Variants in PRAMEF4 observed in about 807,000 individuals in gnomAD.
PRAMEF4 encodes the protein RP5-845O24.6.
A neutral mutation model predicts 34.4 loss-of-function variants in PRAMEF4; 18 were observed. The ratio of observed to expected loss-of-function variants is 0.52; its 90% CI spans 0.36 to 0.78. The LOEUF (loss-of-function observed/expected upper bound fraction) is 0.78. Ranked by LOEUF, PRAMEF4 falls within the 30% of genes least tolerant of loss-of-function variation. The pLI is 0.00. For synonymous variants in PRAMEF4, 156 were observed against 219.3 expected (o/e 0.71, Z 2.55); for missense variants, 482 against 569.1 (o/e 0.85, Z 1.56).
chr1:12,880,611 G>A (rs1449188434), intron 3 of PRAMEF4, among the ~76,000 whole-genome samples: 1 of 149,046 alleles, frequency 6.7e-6, no homozygotes, highest in Non-Finnish European at 1.5e-5. Context: ...TTCCATTTGA[G>A]GCTGAGTCAC....
chr1:12,882,570 T>A (rs1251094266), intron 2 of PRAMEF4, 135 bp from the exon 3 acceptor site: 16 of 1,276,678 alleles, frequency 1.3e-5, no homozygotes, highest in Non-Finnish European at 1.1e-5. Flanking sequence ...GTTTTCCCCT[T>A]GGATCCTGCC....
chr1:12,879,363 T>G lies in PRAMEF4; in HGVS notation c.*181A>C. On this transcript the variant is annotated 3_prime_UTR_variant, in exon 4 of 4. Coordinates refer to ENST00000235349, the MANE Select transcript of PRAMEF4 (RefSeq NM_001009611.4). ...CACAGGTCCCCAAAGTCCCATCGAA[T>G]CCATGGCAACATTTCCCCCAAGTCC... 2.6e-6 allele frequency: 2 copies of G among 759,878 alleles called. No individual in the cohort carries two copies. The highest frequency in any genetic ancestry group is 4.1e-6 in the Non-Finnish European group (2 of 485,912). The allele number at this position is 759,878 out of a possible 1,614,324, so 47.1% of individuals were successfully genotyped here. A position where few individuals can be genotyped will look rare whatever the true frequency, so the allele number is the denominator to read the frequency against.
rs2100418720 is a variant in PRAMEF4 at position 12,880,004 on chromosome 1, TTTAG to T, written c.973_976del (p.Leu325ArgfsTer5). 6.2e-7 allele frequency: 1 copy of T among 1,603,368 alleles called. No individual in the cohort carries two copies. Among genetic ancestry groups the T allele is most frequent in the Non-Finnish European group, 8.5e-7 (1 of 1,175,060 alleles). ...TCTGATGCCACTCAGGTCCAGGGTC[TTTAG>T]TTGACTGATACTCGGGCACTGGGAT... On this transcript the variant is annotated frameshift_variant, in exon 4 of 4. Coordinates refer to ENST00000235349, the MANE Select transcript of PRAMEF4 (RefSeq NM_001009611.4). LOFTEE classifies it high-confidence loss of function.
intron 1 of PRAMEF4, among the ~76,000 whole-genome samples, chr1:12,884,320 T>C (rs1252939571): frequency 6.7e-6 from 1 of 149,236 alleles, no homozygotes; most frequent in African/African-American, 2.5e-5. Context: ...CCAGCCTCAT[T>C]ATTGAAAATT....
At position 12,881,912 on chromosome 1, in the gene PRAMEF4, G is replaced by C. The variant is rs765405940; in HGVS notation, c.817C>G (p.Gln273Glu). ...TTQFLKLRCL[Q>E]KLYMNSVSFL... ...GAAACAGAGTTCATATAAAGCTTTT[G>C]GAGGCAGCGCAGCTTGAGGAACTGA... The change falls in exon 3 of 4, where the codon CAA (glutamine) becomes GAA (glutamate). Residue 273 changes from glutamine to glutamate, a missense_variant. Coordinates refer to ENST00000235349, the MANE Select transcript of PRAMEF4 (RefSeq NM_001009611.4). 99 of 1,586,460 alleles carry C rather than the reference G, an allele frequency of 6.2e-5. No homozygotes were observed. The highest frequency in any genetic ancestry group is 7.7e-5 in the Non-Finnish European group (90 of 1,172,936).
At chr1:12,884,482 A>T (rs1322278313) in intron 1 of PRAMEF4, among the ~76,000 whole-genome samples, 1 of 148,974 alleles carries the variant, frequency 6.7e-6, no homozygotes, top group African/African-American at 2.5e-5. Flanking sequence ...TGTGAGGCCG[A>T]GGCAGGTGGA....
chr1:12,879,646 C>T lies in PRAMEF4; in HGVS notation c.1335G>A (p.Arg445=), dbSNP rs28516966. The change falls in exon 4 of 4, where the codon AGG becomes AGA. Residue 445 remains arginine, a synonymous_variant. Coordinates refer to ENST00000235349, the MANE Select transcript of PRAMEF4 (RefSeq NM_001009611.4). ...AGATCCTCTTGGGGTGCCTTAAGTCCCTCACTCTGTTCATCAGCTCAGCCC... is the reference window on the plus strand; with the variant it reads ...AGATCCTCTTGGGGTGCCTTAAGTCTCTCACTCTGTTCATCAGCTCAGCCC... ...QIRAELMNRV[R]DLRHPKRILF... 0.11 allele frequency: 179,199 copies of T among 1,586,492 alleles called. 16,061 individuals are homozygous for T. The highest frequency in any genetic ancestry group is 0.14 in the African/African-American group (10,298 of 72,098).
rs1020370446 is a variant in PRAMEF4, at chr1:12,884,507, G to A, written c.-16-1097C>T. Among the ~76,000 whole-genome samples the A allele has an allele frequency of 1.0e-4, 15 of 148,314 alleles. 2 individuals are homozygous for A. The highest frequency in any genetic ancestry group is 8.4e-4 in the Admixed American group (12 of 14,292). ...AGGCAGGTGGATCATCTGAGATCAG[G>A]AATTCAAGACGAGCCTGGCCAACAT... On this transcript the variant is annotated intron_variant, in intron 1 of 3. Transcript: ENST00000235349.
chr1:12,882,475 C>G (rs1307075189), intron 2 of PRAMEF4, 40 bp from the exon 3 acceptor site: 4 of 1,580,852 alleles, frequency 2.5e-6, no homozygotes, highest in South Asian at 1.1e-5. Context: ...TTTCAGAACT[C>G]ATTTCTGAAC....
intron 1 of PRAMEF4, 62 bp from the exon 2 acceptor site, chr1:12,883,472 C>T (rs1640935407): frequency 1.3e-5 from 21 of 1,591,342 alleles, no homozygotes; most frequent in Non-Finnish European, 1.8e-5. Context: ...GCAATCTCAT[C>T]CTCTCCTATG....
In PRAMEF4 at chr1:12,880,937, G is replaced by C. The variant is rs1464333558; in HGVS notation, c.876-832C>G. Among the ~76,000 whole-genome samples, 38 of 147,138 alleles carry C rather than the reference G, an allele frequency of 2.6e-4. 3 individuals carry two copies. The highest frequency in any genetic ancestry group is 1.2e-3 in the East Asian group (6 of 5,064). On this transcript the variant is annotated intron_variant, in intron 3 of 3. Coordinates refer to ENST00000235349, the MANE Select transcript of PRAMEF4 (RefSeq NM_001009611.4). Reference sequence around the variant, plus strand: ...GAGCTCAAAAGAAACTTTTACAACAGGGAATTAGAGATGGGATCATTCATG... The same window carrying C: ...GAGCTCAAAAGAAACTTTTACAACACGGAATTAGAGATGGGATCATTCATG...
At position 12,879,796 on chromosome 1, in the gene PRAMEF4, G is replaced by A. The variant is rs1394215551; in HGVS notation, c.1185C>T (p.Ala395=). ...TGTGGCTCAGCAGGTTCTCCAGGGT[G>A]GCCATGCAGATGGGATTTCCACAGA... ...FSFCGNPICM[A]TLENLLSHTI... is the part of the protein sequence containing the mutation. Residue 395 remains alanine, a synonymous_variant, in exon 4 of 4, where the codon GCC becomes GCT. Transcript: ENST00000235349. 3.1e-6 allele frequency: 5 copies of A among 1,600,190 alleles called. No homozygotes were observed. Among genetic ancestry groups the A allele is most frequent in the East Asian group, 2.2e-5 (1 of 44,588 alleles).
intron 1 of PRAMEF4, among the ~76,000 whole-genome samples, chr1:12,884,808 T>G (rs1471288051): frequency 6.7e-6 from 1 of 150,048 alleles, no homozygotes; most frequent in Admixed American, 6.8e-5. Context: ...ACTGATCGAA[T>G]TAGATATTGA....
chr1:12,883,885 CTTT>C (rs1215610553), intron 1 of PRAMEF4, among the ~76,000 whole-genome samples: 3 of 143,468 alleles, frequency 2.1e-5, no homozygotes, highest in Non-Finnish European at 4.6e-5. Flanking sequence ...CTTTCTCTCT[CTTT>C]CTTCTTTCCT....
rs199759418 is a variant in PRAMEF4, at chr1:12,881,957, T to C, written c.772A>G (p.Ile258Val). Residue 258 changes from isoleucine (I) to valine (V), a missense_variant, in exon 3 of 4, where the codon ATT becomes GTT. By Grantham distance (29) the Ile-to-Val change is conservative. Coordinates refer to ENST00000235349, the MANE Select transcript of PRAMEF4 (RefSeq NM_001009611.4). The part of the protein sequence containing the change: ...RYVSPEQKKE[I>V]VTQFTTQFLK... ...AACTGAGTGGTGAACTGGGTAACAA[T>C]CTCCTTCTTCTGCTCTGGGGAAACG... 32 of 1,569,382 alleles carry C rather than the reference T, an allele frequency of 2.0e-5. No individual in the cohort carries two copies. In the South Asian group the frequency reaches 3.1e-4, roughly 15 times the overall value.
At position 12,883,527 on chromosome 1, in the gene PRAMEF4, C is replaced by T. The variant is rs1459097878; in HGVS notation, c.-16-117G>A. On this transcript the variant is annotated intron_variant, in intron 1 of 3. Transcript: ENST00000235349. ...CAATGGTGAAAGAGTCCTCAGTTTA[C>T]TCCAATTCTACTCTGTACTCAGTGG... The T allele has an allele frequency of 1.5e-6, 2 of 1,352,654 alleles. 1 individual carries two copies. Among genetic ancestry groups the T allele is most frequent in the Non-Finnish European group, 2.0e-6 (2 of 982,862 alleles). The allele number at this position is 1,352,654 out of a possible 1,614,324, so 83.8% of individuals were successfully genotyped here.
intron 2 of PRAMEF4, 96 bp from the exon 3 acceptor site, chr1:12,882,531 T>A: frequency 3.3e-6 from 5 of 1,523,540 alleles, no homozygotes; most frequent in Non-Finnish European, 4.4e-6. Flanking sequence ...CCCTGCTTCT[T>A]GTCCCTCTCT....
At position 12,883,247 on chromosome 1, in the gene PRAMEF4, G is replaced by A. The variant is rs753866096; in HGVS notation, c.148C>T (p.Arg50Cys). The A allele has an allele frequency of 1.4e-4, 228 of 1,599,164 alleles. 16 individuals are homozygous for A. Among genetic ancestry groups the A allele is most frequent in the Non-Finnish European group, 1.6e-4 (188 of 1,172,980 alleles). ...PLFMEAFSRR[R>C]CEALKLMVQS... ...ACCATCAGCTTCAGGGCCTCACAGC[G>A]TCTCCTGCTGAAGGCCTCCATGAAC... Residue 50 changes from arginine (R) to cysteine (C), a missense_variant, in exon 2 of 4, where the codon CGC (arginine) becomes TGC (cysteine). This residue lies in a region of PRAMEF4 where 172 missense variants were observed against 130.2 expected (regional missense o/e 1.32). Transcript: ENST00000235349.
intron 3 of PRAMEF4, among the ~76,000 whole-genome samples, 189 bp from the exon 4 acceptor site, chr1:12,880,294 G>A (rs1306940238): frequency 1.3e-5 from 2 of 151,124 alleles, no homozygotes; most frequent in Admixed American, 6.7e-5. Context: ...TTCCACTTTA[G>A]ACCCGGCCCA....
Sources: gnomAD v4.1 joint callset for allele counts (sites outside exome capture counted in the v4.1 genomes callset) on GRCh38, gnomAD v4.1.1 for gene constraint, gnomAD v4.1.1 regional missense constraint, MANE v1.5 for transcripts, NCBI Gene and HGNC (gene_info 2026-07-23, HGNC 2026-07-21) for gene names.